The following KLF8 variants were observed in gnomAD, a reference collection of about 807,000 sequenced individuals.
KLF8 encodes the protein KLF transcription factor 8.
In KLF8, 10 loss-of-function variants were observed where a neutral mutation model predicts 18.2. The observed-to-expected ratio is 0.55, with a 90% CI of 0.34 to 0.93. The LOEUF (loss-of-function observed/expected upper bound fraction) is 0.93. Among genes scored for constraint, KLF8 ranks in the 40% least tolerant of loss-of-function variants. The pLI is 0.02. For missense variants in KLF8, 264 were observed against 277.9 expected (o/e 0.95, Z 0.36); for synonymous variants, 109 against 97.3 (o/e 1.12, Z -0.71).
chrX:55,990,074 T>C, the KLF8 span, among the ~76,000 whole-genome samples: 1 of 111,810 alleles, frequency 8.9e-6, no homozygotes, highest in Non-Finnish European at 1.9e-5. Flanking sequence ...TTTTATTGCA[T>C]GTATTTGATT....
chrX:56,153,095 A>G, the KLF8 span, among the ~76,000 whole-genome samples: 1 of 112,048 alleles, frequency 8.9e-6, no homozygotes, highest in Non-Finnish European at 1.9e-5. Flanking sequence ...TTTCTAAAAC[A>G]TGTATTTATT....
the KLF8 span, among the ~76,000 whole-genome samples, chrX:56,120,496 G>A: frequency 8.9e-6 from 1 of 111,981 alleles, no homozygotes; most frequent in African/African-American, 3.2e-5. Context: ...CCTGCATGAA[G>A]GGCTCAAAAG....
the KLF8 span, among the ~76,000 whole-genome samples, chrX:56,045,153 T>A: frequency 9.0e-6 from 1 of 111,545 alleles, no homozygotes; most frequent in Non-Finnish European, 1.9e-5. Flanking sequence ...TTGAATAGGG[T>A]GTCCTTTCTT....
At chrX:55,940,247 C>T in the KLF8 span, among the ~76,000 whole-genome samples, 1 of 111,759 alleles carries the variant, frequency 8.9e-6, no homozygotes, top group African/African-American at 3.3e-5. Flanking sequence ...AAACGTAATC[C>T]AGCATATAAA....
the KLF8 span, among the ~76,000 whole-genome samples, chrX:55,992,600 G>T: frequency 2.7e-5 from 3 of 112,065 alleles, no homozygotes; most frequent in Non-Finnish European, 3.8e-5. Context: ...TGTTCCATAT[G>T]AATTATAGAA....
the KLF8 span, among the ~76,000 whole-genome samples, chrX:55,966,613 C>A: frequency 8.9e-6 from 1 of 112,006 alleles, no homozygotes; most frequent in Admixed American, 9.5e-5. Context: ...ATCACACTAC[C>A]AAAGTCCATT....
the KLF8 span, among the ~76,000 whole-genome samples, chrX:55,946,645 T>C: frequency 9.0e-6 from 1 of 111,545 alleles, no homozygotes; most frequent in African/African-American, 3.3e-5. Context: ...TGGGATCTGA[T>C]TAAACTCAAG....
the KLF8 span, among the ~76,000 whole-genome samples, chrX:56,190,765 C>A: frequency 9.0e-6 from 1 of 111,394 alleles, no homozygotes; most frequent in Non-Finnish European, 1.9e-5. Context: ...TAAAACATTT[C>A]TTGAAAGAAG....
chrX:56,174,449 C>A, the KLF8 span, among the ~76,000 whole-genome samples: 2 of 111,918 alleles, frequency 1.8e-5, no homozygotes, highest in African/African-American at 6.5e-5. Context: ...ATGAAGCCCA[C>A]TTGATCATGG....
At chrX:56,028,518 G>A in the KLF8 span, among the ~76,000 whole-genome samples, 1 of 111,477 alleles carries the variant, frequency 9.0e-6, no homozygotes, top group Admixed American at 9.6e-5. Flanking sequence ...AGTCCTCCAG[G>A]TGCCAAAGTA....
chrX:56,133,642 A>G, the KLF8 span, among the ~76,000 whole-genome samples: 2 of 111,528 alleles, frequency 1.8e-5, no homozygotes, highest in African/African-American at 6.5e-5. Context: ...TTTATTCAAC[A>G]TAGTGCTGGA....
the KLF8 span, among the ~76,000 whole-genome samples, chrX:55,976,487 T>C: frequency 7.2e-3 from 797 of 111,106 alleles, 7 homozygotes; most frequent in Middle Eastern, 0.1. Context: ...TTTTTCACTT[T>C]TACTTAGCAT....
At chrX:56,237,009 A>G (rs1446075134) in intron 1 of KLF8, among the ~76,000 whole-genome samples, 1 of 106,254 alleles carries the variant, frequency 9.4e-6, no homozygotes, top group Non-Finnish European at 1.9e-5. Flanking sequence ...TGATTATTCA[A>G]AAGAAACTGG....
chrX:56,156,286 G>T, the KLF8 span, among the ~76,000 whole-genome samples: 1 of 111,397 alleles, frequency 9.0e-6, no homozygotes, highest in Admixed American at 9.6e-5. Flanking sequence ...TTGTTACATA[G>T]GTAAACTTGT....
the KLF8 span, among the ~76,000 whole-genome samples, chrX:55,963,273 C>T: frequency 1.8e-5 from 2 of 112,074 alleles, no homozygotes; most frequent in African/African-American, 6.5e-5. Context: ...CACTTTATCT[C>T]AGCATCCTCT....
chrX:56,108,437 G>C, the KLF8 span, among the ~76,000 whole-genome samples: 1 of 111,651 alleles, frequency 9.0e-6, no homozygotes, highest in Admixed American at 9.5e-5. Context: ...GTCAAATGCT[G>C]TTTCTGCATC....
At chrX:56,064,895 C>A in the KLF8 span, among the ~76,000 whole-genome samples, 1 of 111,071 alleles carries the variant, frequency 9.0e-6, no homozygotes, top group Non-Finnish European at 1.9e-5. Context: ...AGTTTTTTTT[C>A]TTTCACCACT....
the KLF8 span, among the ~76,000 whole-genome samples, chrX:55,953,085 A>G: frequency 9.0e-6 from 1 of 111,556 alleles, no homozygotes; most frequent in Non-Finnish European, 1.9e-5. Flanking sequence ...TTAGGTATTC[A>G]TTCCATAGAT....
chrX:56,080,462 T>C, the KLF8 span, among the ~76,000 whole-genome samples: 9 of 111,493 alleles, frequency 8.1e-5, no homozygotes, highest in Non-Finnish European at 1.5e-4. Flanking sequence ...TCTTTAAGAA[T>C]GTTGAATATT....
Sources: gnomAD v4.1 joint callset for allele counts (sites outside exome capture counted in the v4.1 genomes callset) on GRCh38, gnomAD v4.1.1 for gene constraint, MANE v1.5 for transcripts, NCBI Gene and HGNC (gene_info 2026-07-23, HGNC 2026-07-21) for gene names.